The following CAMKMT variants were observed in gnomAD, a reference collection of about 807,000 sequenced individuals.
CAMKMT encodes the protein CaM KMT.
A neutral mutation model predicts 48.0 loss-of-function variants in CAMKMT; 53 were observed. That is an observed-to-expected ratio of 1.10 (90% CI 0.89 to 1.39). The LOEUF is 1.39. Among genes scored for constraint, CAMKMT ranks in the 40% most tolerant of loss-of-function variants. The pLI is 0.00. For synonymous variants in CAMKMT, 165 were observed against 152.3 expected (o/e 1.08, Z -0.61); for missense variants, 428 against 402.7 (o/e 1.06, Z -0.54).
chr2:44,608,163 C>T (rs1277848900), intron 3 of CAMKMT, among the ~76,000 whole-genome samples: 1 of 150,926 alleles, frequency 6.6e-6, no homozygotes, highest in African/African-American at 2.4e-5. Flanking sequence ...AGCTCCGCCT[C>T]CCGGGTTCAC....
At chr2:44,375,623 G>C (rs1363132944) in intron 2 of CAMKMT, among the ~76,000 whole-genome samples, 1 of 152,114 alleles carries the variant, frequency 6.6e-6, no homozygotes, top group Non-Finnish European at 1.5e-5. Context: ...AAAGTTCTGG[G>C]AGAAGGGGAT....
chr2:44,514,308 C>T (rs556787950), intron 3 of CAMKMT, among the ~76,000 whole-genome samples: 1 of 151,646 alleles, frequency 6.6e-6, no homozygotes, highest in African/African-American at 2.4e-5. Flanking sequence ...GGAAAAATAA[C>T]TTCTGCCAGA....
chr2:44,579,858 T>TAC (rs1273401823), intron 3 of CAMKMT, among the ~76,000 whole-genome samples: 2 of 151,688 alleles, frequency 1.3e-5, no homozygotes, highest in African/African-American at 4.9e-5. Context: ...AAGTCAGACA[T>TAC]ACCCTTGTAT....
intron 7 of CAMKMT, among the ~76,000 whole-genome samples, chr2:44,739,993 C>G (rs1416617364): frequency 6.6e-6 from 1 of 151,906 alleles, no homozygotes; most frequent in African/African-American, 2.4e-5. Context: ...AGAGAAGGTA[C>G]TGGCTGTAGA....
At chr2:44,581,847 A>C (rs1053597902) in intron 3 of CAMKMT, among the ~76,000 whole-genome samples, 2 of 151,968 alleles carry the variant, frequency 1.3e-5, no homozygotes, top group Non-Finnish European at 2.9e-5. Flanking sequence ...AAAAGTACAC[A>C]TATTAGCCAG....
chr2:44,564,521 C>T (rs1235843560), intron 3 of CAMKMT, among the ~76,000 whole-genome samples: 1 of 151,734 alleles, frequency 6.6e-6, no homozygotes. Context: ...CTATTATTTG[C>T]CAAGCTGATA....
intron 3 of CAMKMT, among the ~76,000 whole-genome samples, chr2:44,587,816 C>T (rs2103799963): frequency 7.3e-6 from 1 of 137,532 alleles, no homozygotes; most frequent in South Asian, 2.5e-4. Flanking sequence ...GTGGCGTGAT[C>T]TCGGCTCGCT....
chr2:44,719,676 G>C (rs1246967273), intron 7 of CAMKMT, among the ~76,000 whole-genome samples: 1 of 152,190 alleles, frequency 6.6e-6, no homozygotes, highest in East Asian at 1.9e-4. Flanking sequence ...TTTAGTAGAG[G>C]AAAGTCAAGC....
intron 6 of CAMKMT, among the ~76,000 whole-genome samples, chr2:44,713,663 T>C (rs1225385798): frequency 6.6e-6 from 1 of 152,112 alleles, no homozygotes; most frequent in East Asian, 1.9e-4. Context: ...AAAGTCTGCA[T>C]TATAGCACTT....
At chr2:44,643,049 C>T (rs1673534839) in intron 3 of CAMKMT, among the ~76,000 whole-genome samples, 1 of 152,098 alleles carries the variant, frequency 6.6e-6, no homozygotes, top group African/African-American at 2.4e-5. Context: ...GAAACACATA[C>T]ATAGAACCCT....
intron 3 of CAMKMT, among the ~76,000 whole-genome samples, chr2:44,680,666 A>G (rs926278760): frequency 1.3e-5 from 2 of 152,198 alleles, no homozygotes; most frequent in Non-Finnish European, 2.9e-5. Context: ...TAAGAAGCAG[A>G]AAGGTAAATC....
rs552115441 is a variant in CAMKMT, at chr2:44,644,041, C to G, written c.377-60242C>G. The stretch of plus-strand genomic sequence containing the variant: ...ATCTTCATATTTCTTCATTTTAAGT[C>G]AAAGCGTAAATGTAGGCAGAGATGT... On this transcript the variant is annotated intron_variant, in intron 3 of 10. Transcript: ENST00000378494. 3.9e-4 allele frequency among the ~76,000 whole-genome samples: 60 copies of G among 152,266 alleles called. 1 individual carries two copies. In the South Asian group the frequency reaches 0.012, roughly 31 times the overall value.
At chr2:44,443,363 A>T (rs78323816) in intron 3 of CAMKMT, among the ~76,000 whole-genome samples, 1 of 152,096 alleles carries the variant, frequency 6.6e-6, no homozygotes, top group South Asian at 2.1e-4. Flanking sequence ...TAATATTACC[A>T]TTTTTTTATA....
At chr2:44,438,618 C>T (rs1666433777) in intron 3 of CAMKMT, among the ~76,000 whole-genome samples, 1 of 152,138 alleles carries the variant, frequency 6.6e-6, no homozygotes, top group Non-Finnish European at 1.5e-5. Context: ...ATGATCCCTA[C>T]CTGTCTTCAG....
chr2:44,406,234 C>T (rs566650763), intron 3 of CAMKMT, among the ~76,000 whole-genome samples: 1 of 152,196 alleles, frequency 6.6e-6, no homozygotes, highest in African/African-American at 2.4e-5. Flanking sequence ...TATAGCATTG[C>T]TCCAAAAGTT....
At chr2:44,511,519 C>G (rs1193863891) in intron 3 of CAMKMT, among the ~76,000 whole-genome samples, 2 of 152,002 alleles carry the variant, frequency 1.3e-5, no homozygotes, top group Non-Finnish European at 2.9e-5. Context: ...AAACTCCTGA[C>G]CTCAGGCAAT....
chr2:44,765,541 A>G (rs1680804567), intron 9 of CAMKMT, among the ~76,000 whole-genome samples: 1 of 151,982 alleles, frequency 6.6e-6, no homozygotes, highest in Non-Finnish European at 1.5e-5. Context: ...TAAAAAAAAA[A>G]AAGGAGATTC....
intron 3 of CAMKMT, among the ~76,000 whole-genome samples, chr2:44,578,429 A>G (rs1476254703): frequency 6.6e-6 from 1 of 152,188 alleles, no homozygotes; most frequent in East Asian, 1.9e-4. Context: ...ACTGTCACCT[A>G]GAAAAACCCT....
intron 3 of CAMKMT, among the ~76,000 whole-genome samples, chr2:44,507,895 C>T (rs948291747): frequency 3.3e-5 from 5 of 152,158 alleles, no homozygotes; most frequent in African/African-American, 1.2e-4. Context: ...AAACTTACCT[C>T]GGCACAAACT....
Sources: allele counts gnomAD v4.1 joint callset (sites outside exome capture counted in the v4.1 genomes callset), GRCh38; gene constraint gnomAD v4.1.1; transcripts MANE v1.5; gene names NCBI Gene and HGNC (gene_info 2026-07-23, HGNC 2026-07-21).